Variants in OCA2 observed in about 807,000 individuals in gnomAD.
The protein encoded by OCA2 is P protein.
OCA2 carries 77 observed loss-of-function variants against 100.2 expected under a neutral mutation model. That is an observed-to-expected ratio of 0.77 (90% CI 0.64 to 0.93). OCA2 has a LOEUF of 0.93. Ranked by LOEUF, OCA2 falls within the 40% of genes least tolerant of loss-of-function variation. The pLI is 0.00. For synonymous variants in OCA2, 432 were observed against 439.2 expected (o/e 0.98, Z 0.21); for missense variants, 1,062 against 1,089.1 (o/e 0.98, Z 0.35).
At chr15:27,774,282 C>A (rs138329624) in intron 23 of OCA2, among the ~76,000 whole-genome samples, 2 of 152,376 alleles carry the variant, frequency 1.3e-5, no homozygotes, top group East Asian at 3.9e-4. Flanking sequence ...GCCCCCGCCT[C>A]TCTCTGGCAG....
chr15:27,944,370 C>A (rs1420849213), intron 18 of OCA2, among the ~76,000 whole-genome samples: 1 of 152,186 alleles, frequency 6.6e-6, no homozygotes, highest in Non-Finnish European at 1.5e-5. Context: ...AACAGCCCTT[C>A]CCCAAAACTC....
At chr15:27,970,450 A>C (rs1376620390) in intron 14 of OCA2, among the ~76,000 whole-genome samples, 1 of 152,232 alleles carries the variant, frequency 6.6e-6, no homozygotes, top group Non-Finnish European at 1.5e-5. Context: ...GCAGCATGGC[A>C]GGAACGCAGG....
chr15:27,882,871 G>A (rs1392506054), intron 19 of OCA2, among the ~76,000 whole-genome samples: 2 of 152,070 alleles, frequency 1.3e-5, no homozygotes, highest in Non-Finnish European at 2.9e-5. Context: ...GGTTCTCTAA[G>A]CCTTGCCATC....
intron 19 of OCA2, chr15:27,896,117 T>C: frequency 1.8e-6 from 2 of 1,085,416 alleles, no homozygotes; most frequent in Non-Finnish European, 2.8e-6. Flanking sequence ...CAAGTGCCTT[T>C]ACCTGCTATA....
At chr15:27,982,574 G>A (rs1007987044) in intron 14 of OCA2, among the ~76,000 whole-genome samples, 4 of 152,092 alleles carry the variant, frequency 2.6e-5, no homozygotes, top group Non-Finnish European at 4.4e-5. Flanking sequence ...TCCATGAAGC[G>A]GCCATTAACA....
At chr15:27,895,819 G>A (rs780894361) in intron 19 of OCA2, 22 of 466,990 alleles carry the variant, frequency 4.7e-5, no homozygotes, top group Non-Finnish European at 7.9e-5. Context: ...TGGTGATACA[G>A]GACAAAAATA....
At chr15:27,747,312 A>C in the OCA2 span, among the ~76,000 whole-genome samples, 1 of 152,234 alleles carries the variant, frequency 6.6e-6, no homozygotes, top group Admixed American at 6.5e-5. Flanking sequence ...AGAAAATGTA[A>C]AAGTCAGAAA....
At chr15:27,824,100 G>A (rs940944163) in intron 23 of OCA2, among the ~76,000 whole-genome samples, 1 of 152,180 alleles carries the variant, frequency 6.6e-6, no homozygotes, top group South Asian at 2.1e-4. Context: ...AGGCGCGGTG[G>A]CTCATGCCTG....
chr15:27,857,828 C>T (rs1022073172), intron 21 of OCA2, among the ~76,000 whole-genome samples: 11 of 152,052 alleles, frequency 7.2e-5, no homozygotes, highest in South Asian at 4.1e-4. Flanking sequence ...AAGGACTGAA[C>T]TGTAAAGGAA....
intron 21 of OCA2, among the ~76,000 whole-genome samples, chr15:27,864,775 T>C (rs2036258874): frequency 6.6e-6 from 1 of 152,134 alleles, no homozygotes; most frequent in Admixed American, 6.5e-5. Flanking sequence ...GGATTCTTCC[T>C]GTTCAAGCAC....
chr15:27,913,270 G>A (rs910577866), intron 19 of OCA2, among the ~76,000 whole-genome samples: 18 of 152,098 alleles, frequency 1.2e-4, no homozygotes, highest in Admixed American at 3.9e-4. Context: ...GGGAAGTTGG[G>A]TGATGGGTAA....
chr15:27,989,185 C>T (rs961006678), intron 11 of OCA2, among the ~76,000 whole-genome samples: 3 of 152,120 alleles, frequency 2.0e-5, no homozygotes, highest in Non-Finnish European at 4.4e-5. Context: ...AGCAGAGTGG[C>T]CACTGGGCAC....
At chr15:27,741,080 C>T in the OCA2 span, among the ~76,000 whole-genome samples, 9 of 152,220 alleles carry the variant, frequency 5.9e-5, no homozygotes, top group Non-Finnish European at 8.8e-5. Context: ...TCCTTGTGTA[C>T]AGCACAGCTC....
chr15:28,042,138 G>GAT (rs1555382868), intron 2 of OCA2, among the ~76,000 whole-genome samples: 2 of 132,102 alleles, frequency 1.5e-5, no homozygotes, highest in Non-Finnish European at 3.4e-5. Flanking sequence ...ATTTTTAAAG[G>GAT]AAGAATGAAC....
intron 19 of OCA2, among the ~76,000 whole-genome samples, chr15:27,897,868 G>A (rs150831488): frequency 0.011 from 1,633 of 152,318 alleles, 15 homozygotes; most frequent in Middle Eastern, 0.027. Context: ...CACAGGGACC[G>A]AGCTGCCCAA....
At chr15:28,074,809 G>A (rs1435475678) in intron 2 of OCA2, among the ~76,000 whole-genome samples, 3 of 151,720 alleles carry the variant, frequency 2.0e-5, no homozygotes, top group African/African-American at 4.8e-5. Flanking sequence ...ATAACACCAC[G>A]GCACTCCAGC....
Position 28,082,411 on chromosome 15 carries a change from C to T in OCA2, c.-21-516G>A, listed in dbSNP as rs998659200. Among the ~76,000 whole-genome samples, 35 of 152,168 alleles carry T rather than the reference C, an allele frequency of 2.3e-4. 2 individuals carry two copies. The highest frequency in any genetic ancestry group is 1.2e-4 in the Non-Finnish European group (8 of 68,036). On this transcript the variant is annotated intron_variant, in intron 1 of 23. Coordinates refer to ENST00000354638, the MANE Select transcript of OCA2 (RefSeq NM_000275.3). ...CCACCTTTAAGAGCTGTAACACTCA[C>T]CGGGAAGGTCTGCAGCATCATTCTT... is the stretch of plus-strand genomic sequence containing the variant.
At chr15:28,077,516 G>A (rs1450032047) in intron 2 of OCA2, among the ~76,000 whole-genome samples, 1 of 152,202 alleles carries the variant, frequency 6.6e-6, no homozygotes, top group Non-Finnish European at 1.5e-5. Flanking sequence ...AGGGGAAACA[G>A]CCCTGAGGAA....
chr15:27,824,602 C>CTCTCTCTATATATA, intron 23 of OCA2, among the ~76,000 whole-genome samples: 3 of 47,596 alleles, frequency 6.3e-5, no homozygotes, highest in South Asian at 1.5e-3. Flanking sequence ...CTCTCTCTCT[C>CTCTCTCTATATATA]TATATATATA....
Sources: allele counts gnomAD v4.1 joint callset (sites outside exome capture counted in the v4.1 genomes callset), GRCh38; gene constraint gnomAD v4.1.1; transcripts MANE v1.5; gene names NCBI Gene and HGNC (gene_info 2026-07-23, HGNC 2026-07-21).